Variants in GIN1 observed in about 807,000 individuals in gnomAD.
GIN1 encodes gypsy retrotransposon integrase-like protein 1.
In GIN1, 41 loss-of-function variants were observed where a neutral mutation model predicts 51.4. That is an observed-to-expected ratio of 0.80 (90% CI 0.62 to 1.04). The LOEUF is 1.04. Ranked by LOEUF, GIN1 falls within the 50% of genes least tolerant of loss-of-function variation. The probability of loss-of-function intolerance (pLI) is 0.00; values close to 1 mark genes in which losing one functional copy is unlikely to be tolerated. For synonymous variants in GIN1, 222 were observed against 206.5 expected (o/e 1.07, Z -0.64); for missense variants, 610 against 612.4 (o/e 1.00, Z 0.04).
intron 1 of GIN1, among the ~76,000 whole-genome samples, chr5:103,115,909 A>G (rs1221533540): frequency 6.6e-6 from 1 of 152,132 alleles, no homozygotes; most frequent in Non-Finnish European, 1.5e-5. Context: ...CTCTTCCAAT[A>G]AAGATATTAT....
chr5:103,105,424 T>C (rs1787696454), intron 3 of GIN1, among the ~76,000 whole-genome samples: 1 of 152,186 alleles, frequency 6.6e-6, no homozygotes, highest in African/African-American at 2.4e-5. Flanking sequence ...AGTATGTAAA[T>C]TTACAATAAT....
At chr5:103,104,403 T>C (rs1449222759) in intron 4 of GIN1, 138 bp downstream of exon 4, 1 of 564,810 alleles carries the variant, frequency 1.8e-6, no homozygotes, top group African/African-American at 1.9e-5. Flanking sequence ...CTTGTAGTAT[T>C]TAATATCATA....
Position 103,087,962 on chromosome 5 carries a change from G to C in GIN1, c.1505C>G (p.Ser502Cys). ...CAGACTGAAAGTCTGCTTTTCAAGA[G>C]AACTATGATCGTCTATCAATGGAGA... is the stretch of plus-strand genomic sequence containing the variant. ...KISPLIDDHSSLEKQTFSLLD... is the reference protein window; with the variant it reads ...KISPLIDDHSCLEKQTFSLLD... The change falls in exon 8 of 8, where the codon TCT becomes TGT. Residue 502 changes from serine (S) to cysteine (C), a missense_variant. By Grantham distance (112) the Ser-to-Cys change is moderately radical (BLOSUM62 -1). Transcript: ENST00000399004. 6.3e-7 allele frequency: 1 copy of C among 1,598,622 alleles called. No homozygotes were observed. The highest frequency in any genetic ancestry group is 1.3e-5 in the African/African-American group (1 of 74,680).
intron 7 of GIN1, among the ~76,000 whole-genome samples, chr5:103,093,830 G>A (rs2151463303): frequency 6.6e-6 from 1 of 152,242 alleles, no homozygotes; most frequent in East Asian, 1.9e-4. Context: ...GTCTGAAAAA[G>A]CGCTTGGCAA....
intron 1 of GIN1, among the ~76,000 whole-genome samples, chr5:103,113,496 A>C (rs114853120): frequency 1.3e-3 from 201 of 151,014 alleles, no homozygotes; most frequent in African/African-American, 4.6e-3. Context: ...ACCTATGATC[A>C]AGTCACCTCC....
Position 103,096,541 on chromosome 5 carries a change from C to T in GIN1, c.1294G>A (p.Glu432Lys). ...KPYIRESSEQ[E>K]SLYLLQGSVV... ...ATGTAGAGAAGTGACAGATATTTACCTTGTTCACTGGATTCTCTTATGTAG... is the reference window on the plus strand; with the variant it reads ...ATGTAGAGAAGTGACAGATATTTACTTTGTTCACTGGATTCTCTTATGTAG... The change falls in exon 7 of 8, where the codon GAA (glutamate) becomes AAA (lysine). Residue 432 changes from glutamate to lysine, a missense_variant and splice_region_variant. Physicochemically the swap from Glu to Lys is moderately conservative, Grantham distance 56 (BLOSUM62 1). Transcript: ENST00000399004. The T allele has an allele frequency of 1.9e-6, 3 of 1,595,918 alleles. No homozygotes were observed. Among genetic ancestry groups the T allele is most frequent in the Non-Finnish European group, 1.7e-6 (2 of 1,168,400 alleles).
intron 1 of GIN1, among the ~76,000 whole-genome samples, 166 bp downstream of exon 1, chr5:103,119,898 G>A (rs1554198273): frequency 6.6e-6 from 1 of 152,162 alleles, no homozygotes; most frequent in Non-Finnish European, 1.5e-5. Flanking sequence ...ACATCGCAAC[G>A]CCCAAGGCCC....
In GIN1 at chr5:103,097,601, C is replaced by T. The variant is rs782232747; in HGVS notation, c.820G>A (p.Val274Ile). ...AAAAAGGCACATACCAAGTGAGTTA[C>T]ATTGAAGGCAAATGAAACAGCTGAT... Reference protein sequence around the residue: ...HLSAVSFAFNVTHLEPTKNTP... With the variant: ...HLSAVSFAFNITHLEPTKNTP... The change falls in exon 5 of 8, where the codon GTA becomes ATA. Residue 274 changes from valine to isoleucine, a missense_variant. Physicochemically the swap from Val to Ile is conservative, Grantham distance 29. Coordinates refer to ENST00000399004, the MANE Select transcript of GIN1 (RefSeq NM_017676.2). 3.1e-6 allele frequency: 5 copies of T among 1,603,972 alleles called. No individual in the cohort carries two copies. The highest frequency in any genetic ancestry group is 3.3e-5 in the Admixed American group (2 of 59,992).
intron 1 of GIN1, among the ~76,000 whole-genome samples, chr5:103,116,701 T>C (rs534687746): frequency 6.6e-6 from 1 of 152,114 alleles, no homozygotes; most frequent in Non-Finnish European, 1.5e-5. Context: ...GATAAATAAC[T>C]TTTTCTAGAA....
Position 103,097,705 on chromosome 5 carries a change from G to A in GIN1, c.716C>T (p.Thr239Met), listed in dbSNP as rs34813. 0.29 allele frequency: 466,639 copies of A among 1,592,594 alleles called. 71,834 individuals are homozygous for A. Among genetic ancestry groups the A allele is most frequent in the East Asian group, 0.45 (20,148 of 44,728 alleles). ...TTTGATTGTGTTAGGTGTACTTTCC[G>A]TTGGGTTAACAGTTCCAGAGGTGTG... ...ISHTSGTVNP[T>M]ESTPNTIKAF... is the part of the protein sequence containing the mutation. The change falls in exon 5 of 8, where the codon ACG (threonine) becomes ATG (methionine). Residue 239 changes from threonine (T) to methionine (M), a missense_variant. Physicochemically the swap from Thr to Met is moderately conservative, Grantham distance 81 (BLOSUM62 -1). Transcript: ENST00000399004.
rs782713644 is a variant in GIN1, at chr5:103,087,888, T to A, written c.*10A>T. The A allele has an allele frequency of 8.4e-7, 1 of 1,192,102 alleles. No homozygotes were observed. The allele number at this position is 1,192,102 out of a possible 1,614,324, so 73.8% of individuals were successfully genotyped here. On this transcript the variant is annotated 3_prime_UTR_variant, in exon 8 of 8. Coordinates refer to ENST00000399004, the MANE Select transcript of GIN1 (RefSeq NM_017676.2). ...TCTAAACAAACAATTTAAATAAATT[T>A]TGGTATTTACTAACTTAAGTATTCA... is the stretch of plus-strand genomic sequence containing the variant.
At chr5:103,101,143 G>A (rs1234922724) in intron 4 of GIN1, among the ~76,000 whole-genome samples, 2 of 152,174 alleles carry the variant, frequency 1.3e-5, no homozygotes, top group African/African-American at 4.8e-5. Flanking sequence ...CACTACTCTT[G>A]CACTTTGGGG....
At chr5:103,119,581 C>T (rs1554198144) in intron 1 of GIN1, among the ~76,000 whole-genome samples, 1 of 152,144 alleles carries the variant, frequency 6.6e-6, no homozygotes, top group South Asian at 2.1e-4. Flanking sequence ...AACTACGTGA[C>T]AGGATTCCCT....
intron 1 of GIN1, among the ~76,000 whole-genome samples, chr5:103,109,718 A>G (rs1554196714): frequency 6.6e-6 from 1 of 152,160 alleles, no homozygotes; most frequent in East Asian, 1.9e-4. Context: ...ATTCACTTCC[A>G]ATTGATTATT....
chr5:103,092,627 G>T (rs1787276773), intron 7 of GIN1, among the ~76,000 whole-genome samples: 1 of 152,010 alleles, frequency 6.6e-6, no homozygotes, highest in African/African-American at 2.4e-5. Context: ...ACTGTCAACA[G>T]ATAACTGAGT....
chr5:103,092,231 C>A (rs1257786971), intron 7 of GIN1, among the ~76,000 whole-genome samples: 1 of 152,060 alleles, frequency 6.6e-6, no homozygotes, highest in Non-Finnish European at 1.5e-5. Flanking sequence ...TGGTCTCGAA[C>A]TCCTGAGCTC....
intron 4 of GIN1, among the ~76,000 whole-genome samples, chr5:103,098,793 C>T (rs1787482113): frequency 6.6e-6 from 1 of 152,006 alleles, no homozygotes; most frequent in South Asian, 2.1e-4. Context: ...GACAGTGTCT[C>T]AAAAACAACC....
At chr5:103,108,337 T>C (rs1787782663) in intron 2 of GIN1, among the ~76,000 whole-genome samples, 1 of 152,096 alleles carries the variant, frequency 6.6e-6, no homozygotes, top group Non-Finnish European at 1.5e-5. Flanking sequence ...ATGTTTTGTT[T>C]TCTTTCATGG....
intron 7 of GIN1, among the ~76,000 whole-genome samples, chr5:103,092,596 ACT>A (rs1399525416): frequency 2.6e-5 from 4 of 152,190 alleles, no homozygotes; most frequent in African/African-American, 9.7e-5. Flanking sequence ...ATACTAAATC[ACT>A]GTCATTATAA....
Sources: gnomAD v4.1 joint callset for allele counts (sites outside exome capture counted in the v4.1 genomes callset) on GRCh38, gnomAD v4.1.1 for gene constraint, MANE v1.5 for transcripts, NCBI Gene and HGNC (gene_info 2026-07-23, HGNC 2026-07-21) for gene names.